Variants in CACNG8 observed in about 807,000 individuals in gnomAD.
CACNG8 encodes voltage-dependent calcium channel gamma-8 subunit.
CACNG8 carries 5 observed loss-of-function variants against 26.9 expected under a neutral mutation model. The ratio of observed to expected loss-of-function variants is 0.19; its 90% CI spans 0.10 to 0.39. The LOEUF (loss-of-function observed/expected upper bound fraction) is 0.39, where lower values mean the gene tolerates loss of function less well. CACNG8 is among the 10% of genes least tolerant of loss of function. The probability of loss-of-function intolerance (pLI) is 1.00; values close to 1 mark genes in which losing one functional copy is unlikely to be tolerated. For synonymous variants in CACNG8, 321 were observed against 296.7 expected, an observed-to-expected ratio of 1.08 and a Z score of -0.84; for missense variants, 473 against 609.4, an observed-to-expected ratio of 0.78 and a Z score of 2.36.
rs1243095225 is a variant in CACNG8, at chr19:53,988,299, T to A, written c.*5450T>A. On this transcript the variant is annotated 3_prime_UTR_variant, in exon 4 of 4. Transcript: ENST00000270458. ...GTGTGTGTGTGTGTGTGTGTGTGTG[T>A]GTGTGTAACTGACACAAAGGCCAGG... is the stretch of plus-strand genomic sequence containing the variant. 6.6e-6 allele frequency: 1 copy of A among 151,932 alleles called. No homozygotes were observed. Among genetic ancestry groups the A allele is most frequent in the Non-Finnish European group, 1.5e-5 (1 of 68,194 alleles). The allele number at this position is 151,932 out of a possible 1,614,324, so 9.4% of individuals were successfully genotyped here.
In CACNG8 at chr19:53,963,284, C is replaced by A; in HGVS notation, c.142C>A (p.Arg48Ser). 1 of 1,609,584 alleles carries A rather than the reference C, an allele frequency of 6.2e-7. No individual in the cohort carries two copies. Among genetic ancestry groups the A allele is most frequent in the Non-Finnish European group, 8.5e-7 (1 of 1,179,336 alleles). Residue 48 changes from arginine to serine, a missense_variant, in exon 1 of 4, where the codon CGC becomes AGC. Arg to Ser is a moderately radical substitution (Grantham distance 110). This residue lies in a region of CACNG8 where 69 missense variants were observed against 66.7 expected (regional missense o/e 1.03). Coordinates refer to ENST00000270458, the MANE Select transcript of CACNG8 (RefSeq NM_031895.6). The stretch of plus-strand genomic sequence containing the variant: ...CAGCACTGACTACTGGCTCTACACG[C>A]GCGCCCTCATCTGCAACACCACCAA...
At position 53,982,780 on chromosome 19, in the gene CACNG8, CG is replaced by C; in HGVS notation, c.1212del (p.Thr405ProfsTer55). 7.4e-7 allele frequency: 1 copy of C among 1,348,248 alleles called. No individual in the cohort carries two copies. The highest frequency in any genetic ancestry group is 9.6e-7 in the Non-Finnish European group (1 of 1,043,594). 83.5% of individuals were successfully genotyped at this position (1,348,248 alleles called of 1,614,324 possible). On this transcript the variant is annotated frameshift_variant, in exon 4 of 4. Coordinates refer to ENST00000270458, the MANE Select transcript of CACNG8 (RefSeq NM_031895.6). LOFTEE classifies it high-confidence loss of function. The surrounding 1 kb of genome is among the most constrained non-coding windows in gnomAD (Gnocchi z 8.4). ...CACCCGCGCCCTCTGCGCCCGCCCC[CG>C]GGACCCTGGCCAAGGAGGCCGCCGC...
Position 53,982,599 on chromosome 19 carries a change from CCGGGGGCGGCGGCGGAGGCGG to C in CACNG8, c.1032_1052del (p.Gly346_Gly352del), listed in dbSNP as rs1023954897. Reference sequence around the variant, plus strand: ...GCGTTCGGCGGCGCGGCCGGGGGCGCCGGGGGCGGCGGCGGAGGCGGCGGCGGGGCGGGTGCCGAGCGGGAC... The same window carrying C: ...GCGTTCGGCGGCGCGGCCGGGGGCGCCGGCGGGGCGGGTGCCGAGCGGGAC... On this transcript the variant is annotated inframe_deletion, in exon 4 of 4. Transcript: ENST00000270458. This position sits in a 1 kb window ranked among gnomAD's most constrained non-coding sequence, Gnocchi z 8.4. 1 of 964,536 alleles carries C rather than the reference CCGGGGGCGGCGGCGGAGGCGG, an allele frequency of 1.0e-6. No homozygotes were observed. The highest frequency in any genetic ancestry group is 1.8e-5 in the African/African-American group (1 of 56,104). 59.7% of individuals were successfully genotyped at this position (964,536 alleles called of 1,614,324 possible). A position where few individuals can be genotyped will look rare whatever the true frequency, so the allele number is the denominator to read the frequency against.
rs534928054 is a variant in CACNG8 at position 53,979,869 on chromosome 19, G to A, written c.370G>A (p.Val124Ile). ...TTCCTTTCCTTCCTCCCCCGCAGGAGTTGTCCGGGCCTCCAGCATCTTCCC... is the reference window on the plus strand; with the variant it reads ...TTCCTTTCCTTCCTCCCCCGCAGGAATTGTCCGGGCCTCCAGCATCTTCCC... The change falls in exon 3 of 4, where the codon GTT becomes ATT. Residue 124 changes from valine to isoleucine, a missense_variant and splice_region_variant. Transcript: ENST00000270458. 307 of 1,601,168 alleles carry A rather than the reference G, an allele frequency of 1.9e-4. 2 individuals are homozygous for A. The South Asian group carries it at 3.3e-3, about 17-fold the overall frequency.
intron 3 of CACNG8, among the ~76,000 whole-genome samples, chr19:53,980,385 G>T (rs1044042076): frequency 6.6e-6 from 1 of 152,090 alleles, no homozygotes; most frequent in East Asian, 1.9e-4. Context: ...ATAGAGAGGC[G>T]GGGCTGGGTC....
chr19:53,978,326 C>T lies in CACNG8; in HGVS notation c.367+97C>T. On this transcript the variant is annotated intron_variant, in intron 2 of 3. Transcript: ENST00000270458. ...CCGGGAAAAGGCACTGGGACTCCGG[C>T]ACTTGGATCGACACGCCGAGGTTAG... 3 of 878,890 alleles carry T rather than the reference C, an allele frequency of 3.4e-6. No homozygotes were observed. In the South Asian group the frequency reaches 4.6e-5, roughly 13 times the overall value. 54.4% of individuals were successfully genotyped at this position (878,890 alleles called of 1,614,324 possible).
In CACNG8 at chr19:53,963,290, C is replaced by T. The variant is rs1192393539; in HGVS notation, c.148C>T (p.Leu50Phe). Reference sequence around the variant, plus strand: ...TGACTACTGGCTCTACACGCGCGCCCTCATCTGCAACACCACCAACCTCAC... The same window carrying T: ...TGACTACTGGCTCTACACGCGCGCCTTCATCTGCAACACCACCAACCTCAC... The change falls in exon 1 of 4, where the codon CTC becomes TTC. Residue 50 changes from leucine (L) to phenylalanine (F), a missense_variant. Around this residue, in one of 6 missense-constraint regions of CACNG8, gnomAD observed 69 missense variants for 66.7 expected, o/e 1.03. Transcript: ENST00000270458. 1.2e-6 allele frequency: 2 copies of T among 1,609,046 alleles called. No homozygotes were observed. The highest frequency in any genetic ancestry group is 1.3e-5 in the African/African-American group (1 of 74,686).
Position 53,979,851 on chromosome 19 carries a change from C to T in CACNG8, c.368-16C>T, listed in dbSNP as rs1355160651. On this transcript the variant is annotated splice_polypyrimidine_tract_variant and intron_variant, in intron 2 of 3. Transcript: ENST00000270458. ...CCCTCGCTCTCCCTCCTTTTCCTTT[C>T]CTTCCTCCCCCGCAGGAGTTGTCCG... 1 of 1,584,908 alleles carries T rather than the reference C, an allele frequency of 6.3e-7. No individual in the cohort carries two copies. Among genetic ancestry groups the T allele is most frequent in the African/African-American group, 1.4e-5 (1 of 73,788 alleles).
rs1287150489 is a variant in CACNG8, at chr19:53,989,887, CACAG to C, written c.*7042_*7045del. On this transcript the variant is annotated 3_prime_UTR_variant, in exon 4 of 4. Transcript: ENST00000270458. ...GCCCCAGTCTGCTGGAAGAACCAGA[CACAG>C]ACAATCACACTGCGGGGAAACACGT... 6.6e-6 allele frequency: 1 copy of C among 152,536 alleles called. No individual in the cohort carries two copies. The highest frequency in any genetic ancestry group is 2.4e-5 in the African/African-American group (1 of 41,472). 9.4% of individuals were successfully genotyped at this position (152,536 alleles called of 1,614,324 possible). A position where few individuals can be genotyped will look rare whatever the true frequency, so the allele number is the denominator to read the frequency against.
At chr19:53,981,760 G>C (rs1489617872) in intron 3 of CACNG8, among the ~76,000 whole-genome samples, 9 of 152,170 alleles carry the variant, frequency 5.9e-5, no homozygotes. Context: ...CCACCTGGGG[G>C]ATGGAGTTTC....
rs1297181225 is a variant in CACNG8 at position 53,986,209 on chromosome 19, C to T, written c.*3360C>T. The T allele has an allele frequency of 3.9e-5, 6 of 152,560 alleles. No individual in the cohort carries two copies. The highest frequency in any genetic ancestry group is 6.8e-3 in the Middle Eastern group (2 of 294). The allele number at this position is 152,560 out of a possible 1,614,324, so 9.5% of individuals were successfully genotyped here. On this transcript the variant is annotated 3_prime_UTR_variant, in exon 4 of 4. Coordinates refer to ENST00000270458, the MANE Select transcript of CACNG8 (RefSeq NM_031895.6). ...TAAGCCGGAGACAGACTCAGAGATT[C>T]GCACAAAAAGCAACGTGGAGACTCA...
Position 53,985,835 on chromosome 19 carries a change from C to CA in CACNG8, c.*3002dup, listed in dbSNP as rs35658524. 0.05 allele frequency: 6,467 copies of CA among 129,652 alleles called. 151 individuals carry two copies. Among genetic ancestry groups the CA allele is most frequent in the South Asian group, 0.083 (333 of 4,016 alleles). 8.0% of individuals were successfully genotyped at this position (129,652 alleles called of 1,614,324 possible). ...TGGGCGAAAGAGCGAGACTCTGTCT[C>CA]AAAAAAAAAAAAAAAATTGAGAGAC... On this transcript the variant is annotated 3_prime_UTR_variant, in exon 4 of 4. Transcript: ENST00000270458.
rs565070833 is a variant in CACNG8, at chr19:53,963,320, G to A, written c.178G>A (p.Gly60Ser). Residue 60 changes from glycine (G) to serine (S), a missense_variant, in exon 1 of 4, where the codon GGC (glycine) becomes AGC (serine). Coordinates refer to ENST00000270458, the MANE Select transcript of CACNG8 (RefSeq NM_031895.6). ...CTGCAACACCACCAACCTCACGGCC[G>A]GCGGCGACGACGGGACCCCCCACCG... is the stretch of plus-strand genomic sequence containing the variant. 100 of 1,603,020 alleles carry A rather than the reference G, an allele frequency of 6.2e-5. No individual in the cohort carries two copies. The South Asian group carries it at 9.9e-4, about 16-fold the overall frequency.
rs1036655653 is a variant in CACNG8, at chr19:53,982,984, A to C, written c.*135A>C. The C allele has an allele frequency of 2.3e-6, 1 of 428,648 alleles. No individual in the cohort carries two copies. The allele number at this position is 428,648 out of a possible 1,614,324, so 26.6% of individuals were successfully genotyped here. A position where few individuals can be genotyped will look rare whatever the true frequency, so the allele number is the denominator to read the frequency against. On this transcript the variant is annotated 3_prime_UTR_variant, in exon 4 of 4. Coordinates refer to ENST00000270458, the MANE Select transcript of CACNG8 (RefSeq NM_031895.6). The surrounding 1 kb of genome is among the most constrained non-coding windows in gnomAD (Gnocchi z 8.4). ...AGACTGCTGGGCCCGCCCCACGCCC[A>C]CCCTCCCCGCCCCCCTCCCCCTCCG...
Position 53,982,409 on chromosome 19 carries a change from T to C in CACNG8, c.838T>C (p.Ser280Pro). The change falls in exon 4 of 4, where the codon TCC becomes CCC. Residue 280 changes from serine (S) to proline (P), a missense_variant. Ser to Pro is a moderately conservative substitution (Grantham distance 74, BLOSUM62 -1). Around this residue, in one of 6 missense-constraint regions of CACNG8, gnomAD observed 212 missense variants for 214.4 expected, o/e 0.99. Coordinates refer to ENST00000270458, the MANE Select transcript of CACNG8 (RefSeq NM_031895.6). This position sits in a 1 kb window ranked among gnomAD's most constrained non-coding sequence, Gnocchi z 8.4. ...CCGCCGCTCCCGCTCTAGCTCCCGC[T>C]CCAGCGAGCCGTCGCCGTCGCGGGA... The C allele has an allele frequency of 6.6e-7, 1 of 1,521,934 alleles. No individual in the cohort carries two copies. The allele number at this position is 1,521,934 out of a possible 1,614,324, so 94.3% of individuals were successfully genotyped here.
At chr19:53,977,009 C>G (rs1343374454) in intron 1 of CACNG8, among the ~76,000 whole-genome samples, 10 of 152,176 alleles carry the variant, frequency 6.6e-5, no homozygotes, top group Non-Finnish European at 5.9e-5. Flanking sequence ...GTGTGCCAGG[C>G]CTACTGCCAA....
intron 1 of CACNG8, among the ~76,000 whole-genome samples, chr19:53,969,319 C>G (rs879323712): frequency 6.6e-5 from 10 of 152,102 alleles, no homozygotes; most frequent in Admixed American, 6.6e-4. Flanking sequence ...TTTATTATTC[C>G]CATTCTAAAA....
chr19:53,984,050 C>G lies in CACNG8; in HGVS notation c.*1201C>G, dbSNP rs2069392670. ...GCAGAGATGTGCTGAAATACAGCAT[C>G]AAACATGGGCACGGGCCCTTGGAGC... is the stretch of plus-strand genomic sequence containing the variant. On this transcript the variant is annotated 3_prime_UTR_variant, in exon 4 of 4. Transcript: ENST00000270458. The G allele has an allele frequency of 6.6e-6, 1 of 152,306 alleles. No homozygotes were observed. The highest frequency in any genetic ancestry group is 6.5e-5 in the Admixed American group (1 of 15,288). The allele number at this position is 152,306 out of a possible 1,614,324, so 9.4% of individuals were successfully genotyped here.
At chr19:53,972,793 G>A (rs995938190) in intron 1 of CACNG8, among the ~76,000 whole-genome samples, 38 of 152,294 alleles carry the variant, frequency 2.5e-4, no homozygotes, top group African/African-American at 2.4e-4. Context: ...GAAGTGGTAC[G>A]TTGGGATGTG....
Sources: allele counts gnomAD v4.1 joint callset (sites outside exome capture counted in the v4.1 genomes callset), GRCh38; gene constraint gnomAD v4.1.1; regional missense constraint gnomAD v4.1.1; non-coding constraint Gnocchi (gnomAD v3.1); transcripts MANE v1.5; gene names NCBI Gene and HGNC (gene_info 2026-07-23, HGNC 2026-07-21).